Variants in MACROD2 observed in about 807,000 individuals in gnomAD.
MACROD2 encodes ADP-ribose glycohydrolase MACROD2.
MACROD2 carries 36 observed loss-of-function variants against 70.4 expected under a neutral mutation model. The ratio of observed to expected loss-of-function variants is 0.51; its 90% CI spans 0.39 to 0.68. The LOEUF is 0.68. Ranked by LOEUF, MACROD2 falls within the 30% of genes least tolerant of loss-of-function variation. The pLI, the probability that MACROD2 is intolerant of heterozygous loss-of-function variation, is 0.00. For synonymous variants in MACROD2, 172 were observed against 178.8 expected (o/e 0.96, Z 0.30); for missense variants, 496 against 538.4 (o/e 0.92, Z 0.78).
At chr20:15,768,490 G>A (rs2051566030) in intron 8 of MACROD2, among the ~76,000 whole-genome samples, 1 of 152,188 alleles carries the variant, frequency 6.6e-6, no homozygotes, top group Non-Finnish European at 1.5e-5. Flanking sequence ...TTGCAGGACT[G>A]GAAGTTGCTC....
At chr20:15,642,174 A>G (rs2049469804) in intron 8 of MACROD2, among the ~76,000 whole-genome samples, 1 of 152,232 alleles carries the variant, frequency 6.6e-6, no homozygotes, top group Non-Finnish European at 1.5e-5. Context: ...GTGAGCCACA[A>G]AATAATAGAA....
At chr20:15,902,150 A>G (rs925074912) in intron 10 of MACROD2, among the ~76,000 whole-genome samples, 2 of 152,206 alleles carry the variant, frequency 1.3e-5, no homozygotes, top group African/African-American at 4.8e-5. Context: ...GCTACTGCAG[A>G]AACATCCACT....
chr20:14,676,572 T>C (rs1249464687), intron 4 of MACROD2, among the ~76,000 whole-genome samples: 1 of 152,194 alleles, frequency 6.6e-6, no homozygotes, highest in African/African-American at 2.4e-5. Context: ...AAGCAGTGTT[T>C]AGAGGGAAAT....
intron 6 of MACROD2, among the ~76,000 whole-genome samples, chr20:15,330,702 A>G (rs2077982750): frequency 3.3e-5 from 5 of 151,754 alleles, no homozygotes; most frequent in South Asian, 2.1e-4. Context: ...TATCACAGGT[A>G]GAATGGAAGA....
intron 4 of MACROD2, among the ~76,000 whole-genome samples, chr20:14,548,858 TA>T (rs1337232706): frequency 1.3e-5 from 2 of 151,564 alleles, no homozygotes; most frequent in East Asian, 3.9e-4. Context: ...TGGATGAGGC[TA>T]AAAAAAGGGT....
At chr20:15,440,933 T>G (rs928416164) in intron 7 of MACROD2, among the ~76,000 whole-genome samples, 1 of 152,212 alleles carries the variant, frequency 6.6e-6, no homozygotes, top group Non-Finnish European at 1.5e-5. Context: ...TCTTGTCAAA[T>G]TATTCCCACT....
intron 1 of MACROD2, among the ~76,000 whole-genome samples, chr20:14,001,330 A>T (rs1188404090): frequency 6.6e-6 from 1 of 152,328 alleles, no homozygotes; most frequent in South Asian, 2.1e-4. Context: ...TTTATAAATG[A>T]CATCCACTCT....
intron 3 of MACROD2, among the ~76,000 whole-genome samples, chr20:14,279,408 G>A (rs1189190309): frequency 6.6e-6 from 1 of 151,928 alleles, no homozygotes; most frequent in African/African-American, 2.4e-5. Context: ...GTGAATTGCA[G>A]TAAATTTCTT....
intron 3 of MACROD2, among the ~76,000 whole-genome samples, chr20:14,168,103 A>T (rs1409551875): frequency 6.6e-6 from 1 of 152,226 alleles, no homozygotes; most frequent in African/African-American, 2.4e-5. Flanking sequence ...TATACAATAG[A>T]TGATTCATAA....
At chr20:15,644,253 C>T (rs2049506796) in intron 8 of MACROD2, among the ~76,000 whole-genome samples, 2 of 152,234 alleles carry the variant, frequency 1.3e-5, no homozygotes, top group East Asian at 3.9e-4. Context: ...TCGTTACATC[C>T]CCACCACCTC....
intron 13 of MACROD2, among the ~76,000 whole-genome samples, chr20:15,984,342 T>C (rs1233008652): frequency 6.6e-6 from 1 of 152,134 alleles, no homozygotes; most frequent in African/African-American, 2.4e-5. Flanking sequence ...AAAATCCACA[T>C]TTTTATGTCC....
intron 5 of MACROD2, among the ~76,000 whole-genome samples, chr20:14,685,990 T>G (rs2070997532): frequency 6.6e-6 from 1 of 152,192 alleles, no homozygotes; most frequent in Admixed American, 6.5e-5. Context: ...AAGGTATGTT[T>G]AAATTTGAGG....
chr20:14,607,658 T>G (rs1260477907), intron 4 of MACROD2, among the ~76,000 whole-genome samples: 1 of 152,186 alleles, frequency 6.6e-6, no homozygotes, highest in African/African-American at 2.4e-5. Context: ...CTTAATACAT[T>G]GCCTTCTTCA....
intron 7 of MACROD2, among the ~76,000 whole-genome samples, chr20:15,496,192 C>T (rs898950414): frequency 1.3e-5 from 2 of 152,244 alleles, no homozygotes; most frequent in Admixed American, 1.3e-4. Context: ...AAGAGTATTC[C>T]TTGGAAAGTA....
At chr20:14,702,577 GTATATATA>G (rs1454442683) in intron 5 of MACROD2, among the ~76,000 whole-genome samples, 2 of 21,986 alleles carry the variant, frequency 9.1e-5, no homozygotes, top group Non-Finnish European at 1.6e-4. Flanking sequence ...ACATATATGT[GTATATATA>G]TGTATATATA....
intron 3 of MACROD2, among the ~76,000 whole-genome samples, chr20:14,421,348 T>TTTG (rs1439081375): frequency 1.3e-5 from 2 of 152,164 alleles, no homozygotes. Context: ...CCTATGCTTT[T>TTTG]TTGTTGTTGT....
chr20:14,336,591 G>C (rs1198638051), intron 3 of MACROD2, among the ~76,000 whole-genome samples: 1 of 151,976 alleles, frequency 6.6e-6, no homozygotes. Flanking sequence ...ACTTGATAAG[G>C]GCTCTACTCA....
At chr20:14,447,888 A>T (rs113899478) in intron 3 of MACROD2, among the ~76,000 whole-genome samples, 2,834 of 151,624 alleles carry the variant, frequency 0.019, 103 homozygotes, top group African/African-American at 0.065. Context: ...AGGGGGAATT[A>T]GCTGCTGGAG....
intron 8 of MACROD2, among the ~76,000 whole-genome samples, chr20:15,594,550 C>T (rs1237200193): frequency 2.0e-5 from 3 of 152,242 alleles, no homozygotes; most frequent in African/African-American, 7.2e-5. Flanking sequence ...TGGCCCCCAT[C>T]ACCACATTCC....
Sources: gnomAD v4.1 joint callset for allele counts (sites outside exome capture counted in the v4.1 genomes callset) on GRCh38, gnomAD v4.1.1 for gene constraint, MANE v1.5 for transcripts, NCBI Gene and HGNC (gene_info 2026-07-23, HGNC 2026-07-21) for gene names.